Variants in STARD13 observed in about 807,000 individuals in gnomAD.
The protein encoded by STARD13 is stAR-related lipid transfer protein 13.
STARD13 carries 62 observed loss-of-function variants against 106.4 expected under a neutral mutation model. The ratio of observed to expected loss-of-function variants is 0.58; its 90% CI spans 0.48 to 0.72. The LOEUF (loss-of-function observed/expected upper bound fraction) is 0.72, where lower values mean the gene tolerates loss of function less well. STARD13 is among the 30% of genes least tolerant of loss of function. The pLI, the probability that STARD13 is intolerant of heterozygous loss-of-function variation, is 0.00. For missense variants in STARD13, 1,387 were observed against 1,424.0 expected (o/e 0.97, Z 0.42); for synonymous variants, 565 against 553.0 (o/e 1.02, Z -0.31).
intron 1 of STARD13, among the ~76,000 whole-genome samples, chr13:33,210,331 C>T (rs1326496005): frequency 6.6e-6 from 1 of 152,166 alleles, no homozygotes; most frequent in African/African-American, 2.4e-5. Flanking sequence ...GGCAGTATGA[C>T]TTCATGGATA....
chr13:33,127,632 T>TA, intron 5 of STARD13, 86 bp from the exon 6 acceptor site: 1 of 1,332,016 alleles, frequency 7.5e-7, no homozygotes, highest in Non-Finnish European at 1.0e-6. Context: ...TACACGCAGC[T>TA]AATCAAGATA....
At chr13:33,592,034 A>C in the STARD13 span, among the ~76,000 whole-genome samples, 6 of 152,204 alleles carry the variant, frequency 3.9e-5, no homozygotes, top group African/African-American at 1.4e-4. Context: ...GCTTTTTAGC[A>C]ACACGGTTTT....
the STARD13 span, among the ~76,000 whole-genome samples, chr13:33,486,628 CT>C: frequency 6.6e-6 from 1 of 152,128 alleles, no homozygotes; most frequent in Admixed American, 6.5e-5. Context: ...CTTATTGATG[CT>C]TTTTTCCAAT....
At chr13:33,182,286 T>G (rs979800973) in intron 1 of STARD13, among the ~76,000 whole-genome samples, 1 of 152,214 alleles carries the variant, frequency 6.6e-6, no homozygotes, top group African/African-American at 2.4e-5. Context: ...CTCAGCTGTA[T>G]GAGATGCATC....
the STARD13 span, among the ~76,000 whole-genome samples, chr13:33,441,795 G>A: frequency 6.6e-6 from 1 of 152,282 alleles, no homozygotes; most frequent in South Asian, 2.1e-4. Context: ...TTCTACGCCT[G>A]TGCTCATACT....
chr13:33,531,314 C>G, the STARD13 span, among the ~76,000 whole-genome samples: 1 of 152,282 alleles, frequency 6.6e-6, no homozygotes, highest in East Asian at 1.9e-4. Context: ...ACTTATCATG[C>G]TCTAAAGGCA....
chr13:33,169,814 A>G (rs920885751), intron 1 of STARD13, among the ~76,000 whole-genome samples: 9 of 152,220 alleles, frequency 5.9e-5, no homozygotes, highest in Non-Finnish European at 1.3e-4. Flanking sequence ...CCTCCAGCCC[A>G]GGGAATGTGG....
At chr13:33,145,723 T>C (rs558869857) in intron 3 of STARD13, among the ~76,000 whole-genome samples, 3 of 152,150 alleles carry the variant, frequency 2.0e-5, no homozygotes, top group Non-Finnish European at 4.4e-5. Context: ...ACACTATACA[T>C]GAATCTCAGA....
the STARD13 span, among the ~76,000 whole-genome samples, chr13:33,468,849 GACATGGCA>G: frequency 6.6e-6 from 1 of 152,180 alleles, no homozygotes; most frequent in African/African-American, 2.4e-5. Context: ...AGCAGAAAGT[GACATGGCA>G]ACTTCCTTGC....
the STARD13 span, among the ~76,000 whole-genome samples, chr13:33,646,134 CAG>C: frequency 1.3e-5 from 2 of 152,162 alleles, no homozygotes; most frequent in African/African-American, 4.8e-5. Context: ...TGCACATACT[CAG>C]AGAGCATGTC....
At chr13:33,109,777 T>C in intron 12 of STARD13, 96 bp downstream of exon 12, 2 of 1,181,700 alleles carry the variant, frequency 1.7e-6, no homozygotes, top group East Asian at 2.4e-5. Context: ...CCGTGGAGGC[T>C]GGACTTTGGT....
At chr13:33,578,470 C>G in the STARD13 span, among the ~76,000 whole-genome samples, 2 of 151,740 alleles carry the variant, frequency 1.3e-5, no homozygotes, top group Non-Finnish European at 2.9e-5. Flanking sequence ...CTGGATCCCT[C>G]TCTCTCTCAC....
chr13:33,182,932 C>T (rs180821648), intron 1 of STARD13, among the ~76,000 whole-genome samples: 87 of 152,366 alleles, frequency 5.7e-4, no homozygotes, highest in Non-Finnish European at 9.6e-4. Flanking sequence ...CTGGGGCTCA[C>T]GTGCAGTCAC....
chr13:33,616,247 AAGGGAAGAAGGGAAGGGGAGC>A, the STARD13 span, among the ~76,000 whole-genome samples: 2 of 150,632 alleles, frequency 1.3e-5, no homozygotes, highest in Non-Finnish European at 3.0e-5. Context: ...GAATGGGGAG[AAGGGAAGAAGGGAAGGGGAGC>A]AGGGAAGGGA....
chr13:33,350,598 G>T, exon 1 of STARD13: 1 of 1,384,724 alleles, frequency 7.2e-7, no homozygotes, highest in South Asian at 1.6e-5. Context: ...GGACCGGGAT[G>T]CCTGGCCACC....
the STARD13 span, among the ~76,000 whole-genome samples, chr13:33,436,374 T>C: frequency 5.3e-5 from 8 of 152,210 alleles, no homozygotes; most frequent in Non-Finnish European, 8.8e-5. Flanking sequence ...AATTTGGCTG[T>C]AGTCTCCTAT....
the STARD13 span, among the ~76,000 whole-genome samples, chr13:33,391,214 G>T: frequency 1.3e-5 from 2 of 152,180 alleles, no homozygotes; most frequent in Non-Finnish European, 2.9e-5. Context: ...CATTGTGATT[G>T]TGTGCTCTAG....
intron 1 of STARD13, among the ~76,000 whole-genome samples, chr13:33,270,776 G>A (rs1200407840): frequency 6.6e-6 from 1 of 152,114 alleles, no homozygotes; most frequent in East Asian, 1.9e-4. Context: ...TTTTATAGCT[G>A]CATGTAATCC....
chr13:33,625,443 G>A, the STARD13 span, among the ~76,000 whole-genome samples: 18,736 of 151,352 alleles, frequency 0.12, 2,789 homozygotes, highest in African/African-American at 0.36. Flanking sequence ...GGTGGCACAC[G>A]CCTGTAGTCC....
Sources: gnomAD v4.1 joint callset for allele counts (sites outside exome capture counted in the v4.1 genomes callset) on GRCh38, gnomAD v4.1.1 for gene constraint, MANE v1.5 for transcripts, NCBI Gene and HGNC (gene_info 2026-07-23, HGNC 2026-07-21) for gene names.